Variants in GLRA2 observed in about 807,000 individuals in gnomAD.
GLRA2 encodes the protein glycine receptor alpha 2, also known as glycine receptor subunit alpha-2.
GLRA2 carries 11 observed loss-of-function variants against 31.6 expected under a neutral mutation model. That is an observed-to-expected ratio of 0.35 (90% confidence interval 0.22 to 0.58). The LOEUF is 0.58. GLRA2 is among the 20% of genes least tolerant of loss of function. The pLI is 0.84. For synonymous variants in GLRA2, 132 were observed against 134.0 expected (o/e 0.99, Z 0.10); for missense variants, 212 against 351.8 (o/e 0.60, Z 3.18).
intron 2 of GLRA2, among the ~76,000 whole-genome samples, chrX:14,536,179 A>G (rs1037847743): frequency 4.5e-5 from 5 of 112,036 alleles, no homozygotes; most frequent in Admixed American, 1.9e-4. Flanking sequence ...TTTTTCTGCA[A>G]TTTCCAAAGA....
intron 8 of GLRA2, among the ~76,000 whole-genome samples, chrX:14,718,658 G>A (rs780499862): frequency 1.8e-5 from 2 of 111,776 alleles, no homozygotes; most frequent in East Asian, 5.6e-4. Context: ...CTGGTGCCTA[G>A]GCTAGGAAAA....
At chrX:14,515,849 C>G in the GLRA2 span, among the ~76,000 whole-genome samples, 3 of 111,588 alleles carry the variant, frequency 2.7e-5, no homozygotes, top group African/African-American at 9.8e-5. Context: ...CAAATCATAT[C>G]CATTAGAACT....
upstream of GLRA2, chrX:14,529,444 GCC>G (rs896879550): frequency 9.2e-6 from 1 of 108,484 alleles, no homozygotes; most frequent in Non-Finnish European, 1.9e-5. Flanking sequence ...CCCGACCCCC[GCC>G]CCAAGCAACT....
At chrX:14,718,437 T>C (rs1422850384) in intron 8 of GLRA2, among the ~76,000 whole-genome samples, 1 of 112,399 alleles carries the variant, frequency 8.9e-6, no homozygotes, top group Non-Finnish European at 1.9e-5. Context: ...ATGACTCAAA[T>C]AGCCTGTTCC....
the GLRA2 span, among the ~76,000 whole-genome samples, chrX:14,514,728 C>CT: frequency 2.7e-5 from 3 of 111,155 alleles, no homozygotes; most frequent in African/African-American, 9.8e-5. Context: ...CATTTGAAAA[C>CT]TTCTCAGGAG....
chrX:14,501,236 C>A, the GLRA2 span, among the ~76,000 whole-genome samples: 16 of 111,129 alleles, frequency 1.4e-4, no homozygotes, highest in South Asian at 2.7e-3. Context: ...AATTTCAACA[C>A]TGTTTTTTAT....
In GLRA2 at chrX:14,731,751, T is replaced by C. The variant is rs913577489; in HGVS notation, c.*1266T>C. 8 of 112,092 alleles carry C rather than the reference T, an allele frequency of 7.1e-5. No homozygotes were observed. The highest frequency in any genetic ancestry group is 2.6e-4 in the African/African-American group (8 of 30,872). 9.2% of individuals were successfully genotyped at this position (112,092 alleles called of 1,213,427 possible). A position where few individuals can be genotyped will look rare whatever the true frequency, so the allele number is the denominator to read the frequency against. ...TATAATAATTAAATTTTACATGTGCTGTACAAGGGGTTATTTTAAAAAGCA... is the reference window on the plus strand; with the variant it reads ...TATAATAATTAAATTTTACATGTGCCGTACAAGGGGTTATTTTAAAAAGCA... On this transcript the variant is annotated 3_prime_UTR_variant, in exon 9 of 9. Coordinates refer to ENST00000218075, the MANE Select transcript of GLRA2 (RefSeq NM_002063.4).
the GLRA2 span, among the ~76,000 whole-genome samples, chrX:14,493,798 C>CAT: frequency 2.0e-5 from 2 of 99,832 alleles, no homozygotes; most frequent in African/African-American, 3.7e-5. Context: ...CACACACACA[C>CAT]ATATATATGT....
At chrX:14,524,362 A>G (rs1466296576), upstream of GLRA2, among the ~76,000 whole-genome samples, 1 of 111,806 alleles carries the variant, frequency 8.9e-6, no homozygotes, top group Non-Finnish European at 1.9e-5. Context: ...ATGGCCCTAT[A>G]GTGAGAAGAG....
At chrX:14,456,962 T>C in the GLRA2 span, among the ~76,000 whole-genome samples, 2 of 112,026 alleles carry the variant, frequency 1.8e-5, no homozygotes, top group East Asian at 5.6e-4. Flanking sequence ...TGTACTAGTT[T>C]AACATTACTA....
chrX:14,458,409 A>G, the GLRA2 span, among the ~76,000 whole-genome samples: 2 of 111,798 alleles, frequency 1.8e-5, no homozygotes, highest in African/African-American at 6.5e-5. Context: ...GCTGGGTCAA[A>G]TGGTATTTCT....
chrX:14,513,300 GA>G, the GLRA2 span, among the ~76,000 whole-genome samples: 3 of 111,367 alleles, frequency 2.7e-5, no homozygotes, highest in Non-Finnish European at 5.7e-5. Context: ...TCTAAGACCC[GA>G]AACCATAAAA....
intron 4 of GLRA2, among the ~76,000 whole-genome samples, chrX:14,602,813 G>A (rs987808815): frequency 5.4e-5 from 6 of 111,707 alleles, no homozygotes; most frequent in Admixed American, 9.5e-5. Context: ...CCACAGTTTC[G>A]TTATCCACTT....
intron 7 of GLRA2, among the ~76,000 whole-genome samples, chrX:14,675,990 T>A (rs751695599): frequency 8.9e-6 from 1 of 112,427 alleles, no homozygotes; most frequent in Non-Finnish European, 1.9e-5. Flanking sequence ...GTATACTTTA[T>A]AGCACTCAAT....
intron 7 of GLRA2, among the ~76,000 whole-genome samples, chrX:14,640,880 T>C (rs1297017221): frequency 9.0e-6 from 1 of 110,901 alleles, no homozygotes; most frequent in Non-Finnish European, 1.9e-5. Context: ...ACAATATATA[T>C]ATATATAGGA....
At chrX:14,481,140 T>A in the GLRA2 span, among the ~76,000 whole-genome samples, 1 of 111,570 alleles carries the variant, frequency 9.0e-6, no homozygotes, top group East Asian at 2.8e-4. Flanking sequence ...CTATTATAAA[T>A]GGGACTGCAT....
At chrX:14,640,652 G>C (rs2090762953) in intron 7 of GLRA2, among the ~76,000 whole-genome samples, 1 of 111,039 alleles carries the variant, frequency 9.0e-6, no homozygotes, top group African/African-American at 3.3e-5. Flanking sequence ...CATATAAATG[G>C]AATTTTGCAG....
At chrX:14,550,698 C>T (rs2089548808) in intron 2 of GLRA2, among the ~76,000 whole-genome samples, 1 of 111,577 alleles carries the variant, frequency 9.0e-6, no homozygotes, top group African/African-American at 3.3e-5. Flanking sequence ...ATTTTAAACA[C>T]ATCATGAAAA....
rs1277022531 is a variant in GLRA2, at chrX:14,565,868, TAAAAG to T, written c.203-8462_203-8458del. Among the ~76,000 whole-genome samples, 7 of 111,396 alleles carry T rather than the reference TAAAAG, an allele frequency of 6.3e-5. No individual in the cohort carries two copies. The South Asian group carries it at 1.1e-3, about 18-fold the overall frequency. On this transcript the variant is annotated intron_variant, in intron 2 of 8. Transcript: ENST00000218075. The stretch of plus-strand genomic sequence containing the variant: ...AATGTATAATATAAATGCCTACACT[TAAAAG>T]AAGAACAATCTCAAATCAACATAAA...
Sources: gnomAD v4.1 joint callset for allele counts (sites outside exome capture counted in the v4.1 genomes callset) on GRCh38, gnomAD v4.1.1 for gene constraint, MANE v1.5 for transcripts, NCBI Gene and HGNC (gene_info 2026-07-23, HGNC 2026-07-21) for gene names.